The following NEGR1 variants were observed in gnomAD, a reference collection of about 807,000 sequenced individuals.
NEGR1 encodes neuronal growth regulator 1.
Under a neutral mutation model 40.9 loss-of-function variants are expected in NEGR1, and 10 were observed. That is an observed-to-expected ratio of 0.24 (90% CI 0.15 to 0.42). The LOEUF is 0.42. NEGR1 is among the 10% of genes least tolerant of loss of function. The pLI, the probability that NEGR1 is intolerant of heterozygous loss-of-function variation, is 1.00. For synonymous variants in NEGR1, 185 were observed against 166.8 expected (o/e 1.11, Z -0.84); for missense variants, 352 against 438.9 (o/e 0.80, Z 1.77).
At chr1:71,547,377 T>C (rs1647934048) in intron 6 of NEGR1, among the ~76,000 whole-genome samples, 1 of 151,754 alleles carries the variant, frequency 6.6e-6, no homozygotes, top group South Asian at 2.1e-4. Context: ...CATGTGTATT[T>C]TGCAATTTAG....
chr1:71,432,372 GC>G (rs1646475595), intron 6 of NEGR1, among the ~76,000 whole-genome samples: 1 of 152,158 alleles, frequency 6.6e-6, no homozygotes, highest in South Asian at 2.1e-4. Context: ...CATAGTTTTT[GC>G]TATGGTTTGG....
intron 6 of NEGR1, among the ~76,000 whole-genome samples, chr1:71,586,720 T>C (rs1649320982): frequency 6.6e-6 from 1 of 152,114 alleles, no homozygotes; most frequent in Non-Finnish European, 1.5e-5. Context: ...AATACATACA[T>C]GTTCCAGGTA....
intron 1 of NEGR1, among the ~76,000 whole-genome samples, chr1:71,982,388 A>G (rs1025569373): frequency 6.6e-5 from 10 of 152,138 alleles, no homozygotes; most frequent in South Asian, 6.2e-4. Flanking sequence ...ATCATTTGGC[A>G]TAGCACAGTG....
chr1:72,122,088 T>C (rs1032903211), intron 1 of NEGR1, among the ~76,000 whole-genome samples: 2 of 152,036 alleles, frequency 1.3e-5, no homozygotes, highest in East Asian at 1.9e-4. Flanking sequence ...TTATCAATGA[T>C]ATACTGCAAG....
chr1:71,769,319 C>T (rs1339554754), intron 3 of NEGR1, among the ~76,000 whole-genome samples: 1 of 151,932 alleles, frequency 6.6e-6, no homozygotes, highest in Non-Finnish European at 1.5e-5. Flanking sequence ...TCATGGTAAC[C>T]TCATTTGTGA....
chr1:72,177,275 G>GCA (rs1652202192), intron 1 of NEGR1, among the ~76,000 whole-genome samples: 1 of 152,024 alleles, frequency 6.6e-6, no homozygotes, highest in African/African-American at 2.4e-5. Flanking sequence ...TCAAAGCCAG[G>GCA]CACAGGTGAT....
chr1:71,851,490 A>G (rs1047057996), intron 2 of NEGR1, among the ~76,000 whole-genome samples: 3 of 152,198 alleles, frequency 2.0e-5, no homozygotes, highest in Non-Finnish European at 2.9e-5. Context: ...AGGAAATAAC[A>G]CTTTTTAATT....
intron 2 of NEGR1, among the ~76,000 whole-genome samples, chr1:71,856,188 TAA>T (rs1337144245): frequency 6.6e-6 from 1 of 152,052 alleles, no homozygotes; most frequent in East Asian, 1.9e-4. Flanking sequence ...GGTCTAGTGA[TAA>T]GACAGTCATC....
intron 1 of NEGR1, among the ~76,000 whole-genome samples, chr1:72,077,326 AG>A (rs1297274023): frequency 6.6e-6 from 1 of 152,034 alleles, no homozygotes; most frequent in African/African-American, 2.4e-5. Context: ...TGTTTTTTAG[AG>A]GTGGAGGGGA....
chr1:71,525,083 T>C (rs931931100), intron 6 of NEGR1, among the ~76,000 whole-genome samples: 1 of 151,756 alleles, frequency 6.6e-6, no homozygotes, highest in African/African-American at 2.4e-5. Flanking sequence ...TTTGTGATAA[T>C]TTATTACAGC....
chr1:71,744,083 A>G (rs1193930052), intron 3 of NEGR1, among the ~76,000 whole-genome samples: 1 of 152,072 alleles, frequency 6.6e-6, no homozygotes, highest in Non-Finnish European at 1.5e-5. Context: ...ATATCTGGGA[A>G]GACAGAGTTG....
chr1:71,998,329 A>T (rs1396129515), intron 1 of NEGR1, among the ~76,000 whole-genome samples: 1 of 151,948 alleles, frequency 6.6e-6, no homozygotes, highest in Admixed American at 6.6e-5. Context: ...TCCTCCCTAT[A>T]TTTCAGGCAG....
At chr1:71,594,133 C>T (rs911251732) in intron 5 of NEGR1, among the ~76,000 whole-genome samples, 25 of 152,158 alleles carry the variant, frequency 1.6e-4, no homozygotes, top group Middle Eastern at 3.2e-3. Flanking sequence ...GCTTCAGTCA[C>T]CTCTTCAAGA....
At chr1:71,488,908 C>T (rs1161012530) in intron 6 of NEGR1, among the ~76,000 whole-genome samples, 1 of 151,846 alleles carries the variant, frequency 6.6e-6, no homozygotes, top group Admixed American at 6.6e-5. Flanking sequence ...GGAAACAAAT[C>T]GACCTAGACT....
intron 6 of NEGR1, among the ~76,000 whole-genome samples, chr1:71,454,136 C>T (rs1490798395): frequency 2.0e-5 from 3 of 152,144 alleles, no homozygotes; most frequent in Admixed American, 6.5e-5. Context: ...AATTTATTCT[C>T]CACCCACCTT....
intron 3 of NEGR1, among the ~76,000 whole-genome samples, chr1:71,705,857 G>GAGGAAGGA (rs368065040): frequency 6.6e-6 from 1 of 151,318 alleles, no homozygotes; most frequent in Non-Finnish European, 1.5e-5. Context: ...GGAAGGAAGA[G>GAGGAAGGA]AGGAAGGAAG....
chr1:71,431,080 A>G (rs1162509265), intron 6 of NEGR1, among the ~76,000 whole-genome samples: 1 of 60,658 alleles, frequency 1.6e-5, no homozygotes, highest in African/African-American at 3.2e-5. Context: ...TCTTTTTTTT[A>G]TGACCTTTTT....
chr1:71,642,817 A>T (rs1651397962), intron 4 of NEGR1, among the ~76,000 whole-genome samples: 2 of 152,010 alleles, frequency 1.3e-5, no homozygotes. Flanking sequence ...TATGTCCTAT[A>T]AAAGTTAAAT....
chr1:71,449,951 T>C (rs1409530202), intron 6 of NEGR1, among the ~76,000 whole-genome samples: 1 of 152,014 alleles, frequency 6.6e-6, no homozygotes, highest in African/African-American at 2.4e-5. Context: ...ATTTGTCTTT[T>C]ATTTTCACCA....
Sources: allele counts gnomAD v4.1 joint callset (sites outside exome capture counted in the v4.1 genomes callset), GRCh38; gene constraint gnomAD v4.1.1; transcripts MANE v1.5; gene names NCBI Gene and HGNC (gene_info 2026-07-23, HGNC 2026-07-21).